Variants in SLC25A42 observed in about 807,000 individuals in gnomAD.
The protein encoded by SLC25A42 is mitochondrial coenzyme A transporter SLC25A42.
A neutral mutation model predicts 34.7 loss-of-function variants in SLC25A42; 19 were observed. The ratio of observed to expected loss-of-function variants is 0.55; its 90% CI spans 0.38 to 0.80. SLC25A42 has a LOEUF of 0.80. Among genes scored for constraint, SLC25A42 ranks in the 30% least tolerant of loss-of-function variants. The pLI, the probability that SLC25A42 is intolerant of heterozygous loss-of-function variation, is 0.00. For missense variants in SLC25A42, 364 were observed against 441.3 expected, an observed-to-expected ratio of 0.82 and a Z score of 1.57; for synonymous variants, 205 against 191.2, an observed-to-expected ratio of 1.07 and a Z score of -0.59.
chr19:19,091,000 C>T (rs913426612), intron 1 of SLC25A42, among the ~76,000 whole-genome samples: 2 of 152,234 alleles, frequency 1.3e-5, no homozygotes, highest in African/African-American at 4.8e-5. Flanking sequence ...CGGCTCACTC[C>T]TGAACACAGG....
chr19:19,110,906 A>T lies in SLC25A42; in HGVS notation c.*30A>T. On this transcript the variant is annotated 3_prime_UTR_variant, in exon 8 of 8. Transcript: ENST00000318596. ...CCCTGAGCTGCTCTCAGGACGGTGG[A>T]CCGGTGACCCCTTTGTATTCTGGGC... The T allele has an allele frequency of 6.2e-7, 1 of 1,611,304 alleles. No homozygotes were observed. Among genetic ancestry groups the T allele is most frequent in the Non-Finnish European group, 8.5e-7 (1 of 1,178,612 alleles).
chr19:19,068,501 T>C (rs2059613589), intron 1 of SLC25A42, among the ~76,000 whole-genome samples: 1 of 151,948 alleles, frequency 6.6e-6, no homozygotes, highest in Non-Finnish European at 1.5e-5. Context: ...ACCCCGTCTC[T>C]ACTAAAAATA....
At position 19,111,264 on chromosome 19, in the gene SLC25A42, G is replaced by T. The variant is rs2059863634; in HGVS notation, c.*388G>T. On this transcript the variant is annotated 3_prime_UTR_variant, in exon 8 of 8. Coordinates refer to ENST00000318596, the MANE Select transcript of SLC25A42 (RefSeq NM_178526.5). ...CCCACCAGGCTCAGAGCCAGACCGCGCCTGGACCTTCTTGTTCTGACTCCA... is the reference window on the plus strand; with the variant it reads ...CCCACCAGGCTCAGAGCCAGACCGCTCCTGGACCTTCTTGTTCTGACTCCA... 2 of 241,126 alleles carry T rather than the reference G, an allele frequency of 8.3e-6. No individual in the cohort carries two copies. The highest frequency in any genetic ancestry group is 4.7e-5 in the African/African-American group (2 of 42,720). 14.9% of individuals were successfully genotyped at this position (241,126 alleles called of 1,614,324 possible). A position where few individuals can be genotyped will look rare whatever the true frequency, so the allele number is the denominator to read the frequency against.
intron 1 of SLC25A42, among the ~76,000 whole-genome samples, chr19:19,066,662 A>G (rs1226786117): frequency 6.6e-6 from 1 of 151,848 alleles, no homozygotes; most frequent in Admixed American, 6.6e-5. Context: ...TGTGTTAGCC[A>G]GGATGGTCTC....
At chr19:19,078,934 C>T (rs929642955) in intron 1 of SLC25A42, among the ~76,000 whole-genome samples, 5 of 151,938 alleles carry the variant, frequency 3.3e-5, no homozygotes, top group African/African-American at 7.3e-5. Context: ...TCATTGTGAG[C>T]GTTTTAAAGT....
chr19:19,107,985 G>T lies in SLC25A42; in HGVS notation c.589G>T (p.Val197Phe). Reference protein sequence around the residue: ...YHGFMPTVLGVIPYAGLSFFT... With the variant: ...YHGFMPTVLGFIPYAGLSFFT... ...TGGATTTATGCCCACCGTGCTGGGG[G>T]TCATTCCCTACGCTGGCCTGAGCTT... Residue 197 changes from valine (V) to phenylalanine (F), a missense_variant, in exon 7 of 8, where the codon GTC becomes TTC. Transcript: ENST00000318596. 1.9e-6 allele frequency: 3 copies of T among 1,613,030 alleles called. No individual in the cohort carries two copies. The highest frequency in any genetic ancestry group is 1.7e-6 in the Non-Finnish European group (2 of 1,179,404).
intron 1 of SLC25A42, among the ~76,000 whole-genome samples, chr19:19,064,583 C>T (rs1433934942): frequency 6.6e-6 from 1 of 151,490 alleles, no homozygotes; most frequent in Non-Finnish European, 1.5e-5. Context: ...TCCCGTCCCC[C>T]ACTGCCTTTC....
chr19:19,107,303 G>A (rs1182184210), intron 6 of SLC25A42, among the ~76,000 whole-genome samples: 1 of 127,950 alleles, frequency 7.8e-6, no homozygotes, highest in Non-Finnish European at 1.6e-5. Flanking sequence ...TCCACAGAGT[G>A]AGACCCTGTC....
chr19:19,076,250 G>A (rs1330944100), intron 1 of SLC25A42, among the ~76,000 whole-genome samples: 1 of 151,844 alleles, frequency 6.6e-6, no homozygotes, highest in Non-Finnish European at 1.5e-5. Context: ...ATACCTTGAG[G>A]TCAGGAGTTT....
chr19:19,073,679 A>G (rs2059641882), intron 1 of SLC25A42, among the ~76,000 whole-genome samples: 2 of 152,032 alleles, frequency 1.3e-5, no homozygotes, highest in South Asian at 4.2e-4. Context: ...GGTTCAAGCA[A>G]TTCTCCTGCC....
rs764863886 is a variant in SLC25A42, at chr19:19,106,397, C to A, written c.497+12C>A. The A allele has an allele frequency of 1.2e-6, 2 of 1,602,266 alleles. No homozygotes were observed. Among genetic ancestry groups the A allele is most frequent in the African/African-American group, 2.7e-5 (2 of 74,740 alleles). ...ACCCCGAAGGAAATGTGAGTCCTTA[C>A]ATCGGTGATGCGCATCAGCCCCGGG... is the stretch of plus-strand genomic sequence containing the variant. On this transcript the variant is annotated intron_variant, in intron 6 of 7. Coordinates refer to ENST00000318596, the MANE Select transcript of SLC25A42 (RefSeq NM_178526.5).
intron 1 of SLC25A42, among the ~76,000 whole-genome samples, chr19:19,075,875 C>T (rs2059653326): frequency 6.6e-6 from 1 of 152,204 alleles, no homozygotes; most frequent in Non-Finnish European, 1.5e-5. Context: ...TTCCCCTCCC[C>T]TGAAGAAAGA....
chr19:19,095,408 G>A (rs1418928686), intron 1 of SLC25A42, among the ~76,000 whole-genome samples: 2 of 151,862 alleles, frequency 1.3e-5, no homozygotes, highest in Non-Finnish European at 2.9e-5. Context: ...GAGGTCAGGA[G>A]TTCGAGACTA....
chr19:19,104,810 A>G (rs1341625995), intron 3 of SLC25A42, 103 bp from the exon 4 acceptor site: 26 of 1,323,196 alleles, frequency 2.0e-5, no homozygotes, highest in Non-Finnish European at 2.5e-5. Context: ...GATTGGGGGG[A>G]AAAGGAGGGT....
chr19:19,101,933 A>T (rs1275913076), intron 3 of SLC25A42, 47 bp downstream of exon 3: 9 of 1,341,344 alleles, frequency 6.7e-6, no homozygotes, highest in Middle Eastern at 1.8e-4. Context: ...CCAGGCGGTC[A>T]CCTCCTCCTT....
intron 1 of SLC25A42, chr19:19,095,847 G>C (rs553109607): frequency 7.5e-6 from 4 of 532,540 alleles, no homozygotes; most frequent in Non-Finnish European, 1.4e-5. Flanking sequence ...CTCTGAGCCT[G>C]TTTGCTCCCT....
Position 19,109,675 on chromosome 19 carries a change from C to T in SLC25A42, c.650-894C>T, listed in dbSNP as rs58882376. 7.9e-5 allele frequency among the ~76,000 whole-genome samples: 12 copies of T among 152,130 alleles called. No homozygotes were observed. Among genetic ancestry groups the T allele is most frequent in the East Asian group, 5.8e-4 (3 of 5,190 alleles). On this transcript the variant is annotated intron_variant, in intron 7 of 7. Transcript: ENST00000318596. The surrounding 1 kb of genome is among the most constrained non-coding windows in gnomAD (Gnocchi z 4.1). ...CTCCAATTCCTGGGCTCAAGTGATC[C>T]GCCTGCCTTGGCCTCCCAAAGTGCT...
At chr19:19,095,173 C>T (rs2059757658) in intron 1 of SLC25A42, among the ~76,000 whole-genome samples, 1 of 151,894 alleles carries the variant, frequency 6.6e-6, no homozygotes, top group Admixed American at 6.6e-5. Context: ...TGCATTCCAG[C>T]CTGGGCTACA....
chr19:19,103,086 T>G (rs1314077599), intron 3 of SLC25A42, among the ~76,000 whole-genome samples: 2 of 151,962 alleles, frequency 1.3e-5, no homozygotes, highest in African/African-American at 4.8e-5. Flanking sequence ...TTTTATTTAT[T>G]TATTTTTGTT....
Sources: allele counts gnomAD v4.1 joint callset (sites outside exome capture counted in the v4.1 genomes callset), GRCh38; gene constraint gnomAD v4.1.1; non-coding constraint Gnocchi (gnomAD v3.1); transcripts MANE v1.5; gene names NCBI Gene and HGNC (gene_info 2026-07-23, HGNC 2026-07-21).